The following LRP1B variants were observed in gnomAD, a reference collection of about 807,000 sequenced individuals.
LRP1B encodes the protein LDL receptor related protein 1B, also known as low-density lipoprotein receptor-related protein 1B.
Under a neutral mutation model 556.6 loss-of-function variants are expected in LRP1B, and 217 were observed. The ratio of observed to expected loss-of-function variants is 0.39; its 90% CI spans 0.35 to 0.44. LRP1B has a LOEUF of 0.44. Among genes scored for constraint, LRP1B ranks in the 20% least tolerant of loss-of-function variants. The pLI, the probability that LRP1B is intolerant of heterozygous loss-of-function variation, is 1.00. For synonymous variants in LRP1B, 2,047 were observed against 1,865.8 expected, an observed-to-expected ratio of 1.10 and a Z score of -2.50; for missense variants, 5,053 against 5,620.8, an observed-to-expected ratio of 0.90 and a Z score of 3.23.
intron 7 of LRP1B, among the ~76,000 whole-genome samples, chr2:141,136,160 G>A (rs116336283): frequency 0.03 from 4,512 of 151,880 alleles, 97 homozygotes; most frequent in Non-Finnish European, 0.044. Context: ...TTTGTACAAA[G>A]CTGCATGCGT....
chr2:142,032,206 C>T (rs182218929), intron 1 of LRP1B, among the ~76,000 whole-genome samples: 2 of 151,980 alleles, frequency 1.3e-5, no homozygotes, highest in Admixed American at 1.3e-4. Flanking sequence ...ATCTACTTCC[C>T]CTTTTCCTGG....
chr2:142,079,419 A>G (rs1705630416), intron 1 of LRP1B, among the ~76,000 whole-genome samples: 1 of 152,176 alleles, frequency 6.6e-6, no homozygotes, highest in African/African-American at 2.4e-5. Flanking sequence ...AATTTCAACT[A>G]AGTGCTCAGG....
At chr2:141,897,097 A>G (rs1225063199) in intron 1 of LRP1B, among the ~76,000 whole-genome samples, 1 of 152,172 alleles carries the variant, frequency 6.6e-6, no homozygotes, top group Non-Finnish European at 1.5e-5. Flanking sequence ...AAATAATTAT[A>G]AAGACTTAGA....
intron 2 of LRP1B, among the ~76,000 whole-genome samples, chr2:141,795,584 G>C (rs993774367): frequency 3.3e-5 from 5 of 151,684 alleles, no homozygotes; most frequent in Admixed American, 6.6e-5. Context: ...GTACAAAAAA[G>C]GTTTAAAACT....
At chr2:140,487,557 A>T (rs768199805) in intron 58 of LRP1B, 60 bp downstream of exon 58, 3 of 1,486,158 alleles carry the variant, frequency 2.0e-6, no homozygotes, top group Non-Finnish European at 2.8e-6. Context: ...AACATTTTCT[A>T]TACAATTCAA....
chr2:140,655,293 T>C (rs1407643541), intron 41 of LRP1B, among the ~76,000 whole-genome samples: 1 of 152,232 alleles, frequency 6.6e-6, no homozygotes, highest in Non-Finnish European at 1.5e-5. Context: ...TTAACCTTGA[T>C]GTTAATCGTC....
At chr2:141,790,083 T>C (rs1437432397) in intron 2 of LRP1B, among the ~76,000 whole-genome samples, 1 of 151,886 alleles carries the variant, frequency 6.6e-6, no homozygotes, top group African/African-American at 2.4e-5. Context: ...CAGATTCATT[T>C]TTCAGGTGTT....
chr2:140,851,549 A>C (rs1692455347), intron 28 of LRP1B, 103 bp downstream of exon 28: 1 of 1,373,876 alleles, frequency 7.3e-7, no homozygotes. Context: ...AAAACAGAAA[A>C]AAAAACTTCC....
intron 35 of LRP1B, among the ~76,000 whole-genome samples, chr2:140,754,138 G>T (rs1481945034): frequency 6.6e-6 from 1 of 152,196 alleles, no homozygotes; most frequent in African/African-American, 2.4e-5. Flanking sequence ...GATTTTATTT[G>T]AACAGAGTGT....
At chr2:141,333,951 A>G (rs1422205246) in intron 3 of LRP1B, among the ~76,000 whole-genome samples, 4 of 152,202 alleles carry the variant, frequency 2.6e-5, no homozygotes, top group African/African-American at 9.6e-5. Context: ...TCTCCTTTTT[A>G]AAACCATGGC....
intron 41 of LRP1B, among the ~76,000 whole-genome samples, chr2:140,651,417 G>T (rs1041826701): frequency 6.7e-6 from 1 of 148,520 alleles, no homozygotes; most frequent in Non-Finnish European, 1.5e-5. Flanking sequence ...ACGAGTTAGT[G>T]GGTGCAGCGC....
At chr2:141,647,293 T>C (rs1222487183) in intron 2 of LRP1B, among the ~76,000 whole-genome samples, 2 of 152,202 alleles carry the variant, frequency 1.3e-5, no homozygotes, top group African/African-American at 4.8e-5. Flanking sequence ...AGGAAACTTC[T>C]AGCCCTCTCT....
intron 1 of LRP1B, among the ~76,000 whole-genome samples, chr2:142,016,866 ATATATGTATATATGTGTT>A (rs896094776): frequency 2.7e-5 from 4 of 148,442 alleles, no homozygotes; most frequent in African/African-American, 9.8e-5. Flanking sequence ...ATACACACAC[ATATATGTATATATGTGTT>A]TATATGTATA....
chr2:140,428,142 T>C (rs890855218), intron 66 of LRP1B, among the ~76,000 whole-genome samples: 1 of 152,160 alleles, frequency 6.6e-6, no homozygotes, highest in Non-Finnish European at 1.5e-5. Flanking sequence ...TTATTCTCAA[T>C]ATACATTTTA....
At chr2:140,466,801 T>G (rs1687567397) in intron 60 of LRP1B, among the ~76,000 whole-genome samples, 1 of 152,188 alleles carries the variant, frequency 6.6e-6, no homozygotes. Context: ...AAACGTAACT[T>G]TTTCTTAGTT....
intron 3 of LRP1B, among the ~76,000 whole-genome samples, chr2:141,415,077 C>G (rs1010526478): frequency 2.6e-5 from 4 of 152,314 alleles, no homozygotes; most frequent in Admixed American, 2.6e-4. Flanking sequence ...TGCAGTGGCG[C>G]TATCTTGGCT....
At chr2:140,987,857 G>T (rs966901496) in intron 17 of LRP1B, among the ~76,000 whole-genome samples, 2 of 151,952 alleles carry the variant, frequency 1.3e-5, no homozygotes, top group Non-Finnish European at 2.9e-5. Flanking sequence ...GGTGGTGTGT[G>T]CCTGTAGTCC....
intron 3 of LRP1B, among the ~76,000 whole-genome samples, chr2:141,458,140 T>A (rs956844910): frequency 2.6e-5 from 4 of 152,204 alleles, no homozygotes; most frequent in Non-Finnish European, 5.9e-5. Context: ...AAAAATCTTC[T>A]TATTTTAAAG....
chr2:141,794,004 T>C (rs1324919412), intron 2 of LRP1B, among the ~76,000 whole-genome samples: 1 of 151,950 alleles, frequency 6.6e-6, no homozygotes, highest in Non-Finnish European at 1.5e-5. Context: ...AATAACACAA[T>C]AAATTTAAAA....
Sources: gnomAD v4.1 joint callset for allele counts (sites outside exome capture counted in the v4.1 genomes callset) on GRCh38, gnomAD v4.1.1 for gene constraint, MANE v1.5 for transcripts, NCBI Gene and HGNC (gene_info 2026-07-23, HGNC 2026-07-21) for gene names.